SLC38A9: variants seen among roughly 807,000 people sequenced by gnomAD.
SLC38A9 encodes neutral amino acid transporter 9.
A neutral mutation model predicts 62.3 loss-of-function variants in SLC38A9; 48 were observed. That is an observed-to-expected ratio of 0.77 (90% CI 0.61 to 0.98). The LOEUF (loss-of-function observed/expected upper bound fraction) is 0.98, where lower values mean the gene tolerates loss of function less well. SLC38A9 is among the 50% of genes least tolerant of loss of function. The pLI, the probability that SLC38A9 is intolerant of heterozygous loss-of-function variation, is 0.00. For missense variants in SLC38A9, 541 were observed against 679.8 expected, an observed-to-expected ratio of 0.80 and a Z score of 2.27; for synonymous variants, 204 against 227.7, an observed-to-expected ratio of 0.90 and a Z score of 0.94.
intron 2 of SLC38A9, among the ~76,000 whole-genome samples, chr5:55,698,805 C>A (rs1756262856): frequency 6.6e-6 from 1 of 152,138 alleles, no homozygotes; most frequent in Non-Finnish European, 1.5e-5. Flanking sequence ...GTGGCACATG[C>A]CTGTAGTCTC....
chr5:55,646,952 C>T (rs1746467711), intron 11 of SLC38A9, among the ~76,000 whole-genome samples: 2 of 152,050 alleles, frequency 1.3e-5, no homozygotes, highest in South Asian at 4.1e-4. Flanking sequence ...GAAACAGGGT[C>T]TCACCATGTT....
At chr5:55,686,031 G>C (rs1753761021) in intron 3 of SLC38A9, among the ~76,000 whole-genome samples, 1 of 152,100 alleles carries the variant, frequency 6.6e-6, no homozygotes, top group South Asian at 2.1e-4. Flanking sequence ...TATCATTGAT[G>C]GGCCTTTTGG....
chr5:55,692,174 T>C (rs946940946), intron 3 of SLC38A9, among the ~76,000 whole-genome samples: 6 of 152,314 alleles, frequency 3.9e-5, no homozygotes, highest in Non-Finnish European at 7.4e-5. Context: ...CAATGCGTAT[T>C]AGAAAAAAAG....
At chr5:55,637,032 C>CT (rs1424482790) in intron 12 of SLC38A9, among the ~76,000 whole-genome samples, 2 of 152,176 alleles carry the variant, frequency 1.3e-5, no homozygotes. Flanking sequence ...GCCAAATCTA[C>CT]TTTTTTGTCA....
chr5:55,658,645 C>T (rs908593800), intron 8 of SLC38A9, among the ~76,000 whole-genome samples: 1 of 152,156 alleles, frequency 6.6e-6, no homozygotes, highest in African/African-American at 2.4e-5. Context: ...GGGCCCTGTT[C>T]ACCCTTTGAT....
intron 3 of SLC38A9, among the ~76,000 whole-genome samples, chr5:55,678,643 A>C: frequency 8.9e-6 from 1 of 112,074 alleles, no homozygotes. Context: ...GACTGAAATG[A>C]ACTTTTTTTT....
intron 3 of SLC38A9, among the ~76,000 whole-genome samples, 178 bp downstream of exon 3, chr5:55,697,668 A>C (rs1026302735): frequency 4.0e-5 from 6 of 150,596 alleles, no homozygotes; most frequent in Admixed American, 1.3e-4. Flanking sequence ...AAAAAAAAAA[A>C]AAAAAAATAT....
intron 4 of SLC38A9, among the ~76,000 whole-genome samples, chr5:55,671,511 T>TC: frequency 6.6e-6 from 1 of 150,852 alleles, no homozygotes; most frequent in East Asian, 1.9e-4. Context: ...TCTTCTTTTT[T>TC]TTTTTTTTTA....
chr5:55,684,285 C>G (rs1753439938), intron 3 of SLC38A9, among the ~76,000 whole-genome samples: 1 of 152,108 alleles, frequency 6.6e-6, no homozygotes, highest in Admixed American at 6.6e-5. Context: ...GTCCTGGCTT[C>G]TCTTACACTT....
chr5:55,677,254 T>C (rs1752231247), intron 3 of SLC38A9, among the ~76,000 whole-genome samples: 2 of 152,046 alleles, frequency 1.3e-5, no homozygotes, highest in Admixed American at 6.6e-5. Context: ...TTATAAAGTA[T>C]CAAATAAAAC....
intron 2 of SLC38A9, among the ~76,000 whole-genome samples, chr5:55,701,761 ATTAC>A (rs1756678424): frequency 6.6e-6 from 1 of 152,228 alleles, no homozygotes; most frequent in African/African-American, 2.4e-5. Flanking sequence ...ATGTAGCTTT[ATTAC>A]TTACCCTGTA....
intron 3 of SLC38A9, among the ~76,000 whole-genome samples, chr5:55,680,265 T>G (rs1157226819): frequency 6.6e-6 from 1 of 152,208 alleles, no homozygotes; most frequent in Non-Finnish European, 1.5e-5. Flanking sequence ...ATACTGTACA[T>G]AGATGTGATG....
Position 55,652,584 on chromosome 5 carries a change from G to A in SLC38A9, c.897C>T (p.Leu299=), listed in dbSNP as rs752212189. The A allele has an allele frequency of 4.3e-6, 7 of 1,611,236 alleles. No homozygotes were observed. The highest frequency in any genetic ancestry group is 3.3e-4 in the Middle Eastern group (2 of 5,994). ...RTVPFYLVGL[L]LPLLNFKSPS... is the part of the protein sequence containing the mutation. ...GAGACTTGAAATTGAGCAGTGGGAG[G>A]AGGAGCCCTACAAGATAAAAGGGGA... Residue 299 remains leucine, a synonymous_variant, in exon 10 of 16, where the codon CTC becomes CTT. Coordinates refer to ENST00000396865, the MANE Select transcript of SLC38A9 (RefSeq NM_173514.4).
intron 3 of SLC38A9, among the ~76,000 whole-genome samples, chr5:55,678,661 T>G (rs1396999125): frequency 4.3e-5 from 6 of 138,626 alleles, no homozygotes; most frequent in Non-Finnish European, 7.8e-5. Flanking sequence ...TTTTTTTTTT[T>G]TTTTTTTTTT....
chr5:55,632,400 T>C (rs1743631398), intron 14 of SLC38A9, among the ~76,000 whole-genome samples: 1 of 152,158 alleles, frequency 6.6e-6, no homozygotes, highest in African/African-American at 2.4e-5. Flanking sequence ...ATCGCGCCAC[T>C]GCACTCCAGC....
intron 3 of SLC38A9, chr5:55,692,643 T>G (rs1276377600): frequency 2.0e-6 from 2 of 985,246 alleles, no homozygotes; most frequent in African/African-American, 3.5e-5. Context: ...TTTCAACAAG[T>G]TTCATTATAG....
chr5:55,678,656 T>G (rs1329227553), intron 3 of SLC38A9, among the ~76,000 whole-genome samples: 5 of 134,330 alleles, frequency 3.7e-5, no homozygotes, highest in South Asian at 2.6e-4. Flanking sequence ...TTTTTTTTTT[T>G]TTTTTTTTTT....
intron 2 of SLC38A9, among the ~76,000 whole-genome samples, chr5:55,702,246 T>C (rs573014869): frequency 1.4e-5 from 2 of 143,942 alleles, no homozygotes; most frequent in Admixed American, 1.5e-4. Context: ...ATTATACATA[T>C]TACATTTTAG....
chr5:55,627,907 T>C lies in SLC38A9; in HGVS notation c.1504A>G (p.Ile502Val). 1 of 1,610,298 alleles carries C rather than the reference T, an allele frequency of 6.2e-7. No homozygotes were observed. Among genetic ancestry groups the C allele is most frequent in the Non-Finnish European group, 8.5e-7 (1 of 1,176,892 alleles). Reference sequence around the variant, plus strand: ...AGGCAGTACCTTATGATCCCTCCTATGTTTGGGTAGAAACAGGCCATGATC... The same window carrying C: ...AGGCAGTACCTTATGATCCCTCCTACGTTTGGGTAGAAACAGGCCATGATC... Reference protein sequence around the residue: ...GVIMACFYPNIGGIIRYSGAA... With the variant: ...GVIMACFYPNVGGIIRYSGAA... The change falls in exon 15 of 16, where the codon ATA (isoleucine) becomes GTA (valine). Residue 502 changes from isoleucine (I) to valine (V), a missense_variant. Coordinates refer to ENST00000396865, the MANE Select transcript of SLC38A9 (RefSeq NM_173514.4).
Sources: allele counts gnomAD v4.1 joint callset (sites outside exome capture counted in the v4.1 genomes callset), GRCh38; gene constraint gnomAD v4.1.1; transcripts MANE v1.5; gene names NCBI Gene and HGNC (gene_info 2026-07-23, HGNC 2026-07-21).